The following TRAPPC2 variants were observed in gnomAD, a reference collection of about 807,000 sequenced individuals.
TRAPPC2 encodes the protein sedlin.
A neutral mutation model predicts 10.0 loss-of-function variants in TRAPPC2; 4 were observed. That is an observed-to-expected ratio of 0.40 (90% confidence interval 0.20 to 0.92). The LOEUF (loss-of-function observed/expected upper bound fraction) is 0.92, where lower values mean the gene tolerates loss of function less well. Ranked by LOEUF, TRAPPC2 falls within the 40% of genes least tolerant of loss-of-function variation. The pLI, the probability that TRAPPC2 is intolerant of heterozygous loss-of-function variation, is 0.35. For synonymous variants in TRAPPC2, 36 were observed against 37.3 expected (o/e 0.97, Z 0.12); for missense variants, 52 against 108.7 (o/e 0.48, Z 2.32).
At chrX:13,727,864 AAGAAGAAAACAG>A (rs1188420179) in intron 2 of TRAPPC2, among the ~76,000 whole-genome samples, 61 of 112,010 alleles carry the variant, frequency 5.4e-4, no homozygotes, top group African/African-American at 1.9e-3. Context: ...AAGACTAATA[AAGAAGAAAACAG>A]AGAAGAATCA....
intron 2 of TRAPPC2, among the ~76,000 whole-genome samples, chrX:13,729,391 C>T (rs1184913740): frequency 1.8e-5 from 2 of 111,555 alleles, no homozygotes; most frequent in Non-Finnish European, 3.8e-5. Context: ...GTACTGGTAC[C>T]GAAACAGATA....
At chrX:13,716,191 G>A in intron 4 of TRAPPC2, 102 bp from the exon 5 acceptor site, 1 of 904,834 alleles carries the variant, frequency 1.1e-6, no homozygotes, top group Admixed American at 3.8e-5. Flanking sequence ...GTGTATTTGT[G>A]ATGGAAAAGT....
intron 2 of TRAPPC2, among the ~76,000 whole-genome samples, chrX:13,732,358 G>C (rs920378879): frequency 2.7e-5 from 3 of 112,117 alleles, no homozygotes; most frequent in Non-Finnish European, 3.8e-5. Context: ...TGGAAAGGGA[G>C]TGGGGTACAG....
chrX:13,733,659 C>T (rs1044871519), intron 2 of TRAPPC2, among the ~76,000 whole-genome samples: 1 of 112,214 alleles, frequency 8.9e-6, no homozygotes, highest in African/African-American at 3.2e-5. Context: ...TCTGTCCTCA[C>T]AGGACTTAGA....
chrX:13,725,729 A>G (rs888234672), intron 2 of TRAPPC2, among the ~76,000 whole-genome samples: 1 of 112,584 alleles, frequency 8.9e-6, no homozygotes, highest in Non-Finnish European at 1.9e-5. Flanking sequence ...CCTCGCCAGC[A>G]ATGGAACAAA....
rs151204906 is a variant in TRAPPC2 at position 13,730,352 on chromosome X, C to G, written c.-20+3692G>C. ...CACTGGTCATTAGAGAAATGCAAAT[C>G]AAAACCACAAAGAGATACCATCTCA... On this transcript the variant is annotated intron_variant, in intron 2 of 5. Coordinates refer to ENST00000380579, the MANE Select transcript of TRAPPC2 (RefSeq NM_001011658.4). Among the ~76,000 whole-genome samples, 784 of 111,931 alleles carry G rather than the reference C, an allele frequency of 7.0e-3. 7 individuals are homozygous for G. The highest frequency in any genetic ancestry group is 0.024 in the African/African-American group (744 of 30,782).
In TRAPPC2 at chrX:13,730,184, C is replaced by T. The variant is rs779863393; in HGVS notation, c.-20+3860G>A. 1.2e-3 allele frequency among the ~76,000 whole-genome samples: 127 copies of T among 109,488 alleles called. 1 individual carries two copies. The highest frequency in any genetic ancestry group is 4.0e-3 in the African/African-American group (121 of 29,943). ...TGCAATCTACCCATCTGACGAAGGGCTAATATCCAGAATCTACAAAGAACT... is the reference window on the plus strand; with the variant it reads ...TGCAATCTACCCATCTGACGAAGGGTTAATATCCAGAATCTACAAAGAACT... On this transcript the variant is annotated intron_variant, in intron 2 of 5. Transcript: ENST00000380579.
chrX:13,719,956 C>T lies in TRAPPC2; in HGVS notation c.8G>A (p.Gly3Glu). Reference sequence around the variant, plus strand: ...GCCAACAATTACAAAGTAGAAGCTCCCAGACATGGTCTTCAATATATGGCT... The same window carrying T: ...GCCAACAATTACAAAGTAGAAGCTCTCAGACATGGTCTTCAATATATGGCT... MS[G>E]SFYFVIVGHH... Residue 3 changes from glycine to glutamate, a missense_variant, in exon 3 of 6, where the codon GGG becomes GAG. Gly to Glu is a moderately conservative substitution (Grantham distance 98). Transcript: ENST00000380579. The T allele has an allele frequency of 8.4e-7, 1 of 1,186,012 alleles. No homozygotes were observed. The highest frequency in any genetic ancestry group is 1.8e-5 in the African/African-American group (1 of 57,079).
In TRAPPC2 at chrX:13,714,243, A is replaced by T. The variant is rs2046256363; in HGVS notation, c.*164T>A. The T allele has an allele frequency of 2.8e-5, 9 of 325,376 alleles. No individual in the cohort carries two copies. The South Asian group carries it at 1.1e-3, about 39-fold the overall frequency. The allele number at this position is 325,376 out of a possible 1,213,427, so 26.8% of individuals were successfully genotyped here. Reference sequence around the variant, plus strand: ...AATTGATCTATTGATACGTGACATGAGACAGAATGTACTATTTTTAAATAT... The same window carrying T: ...AATTGATCTATTGATACGTGACATGTGACAGAATGTACTATTTTTAAATAT... On this transcript the variant is annotated 3_prime_UTR_variant, in exon 6 of 6. Coordinates refer to ENST00000380579, the MANE Select transcript of TRAPPC2 (RefSeq NM_001011658.4).
At chrX:13,728,083 G>A (rs991015633) in intron 2 of TRAPPC2, among the ~76,000 whole-genome samples, 13 of 111,779 alleles carry the variant, frequency 1.2e-4, no homozygotes, top group Non-Finnish European at 2.3e-4. Flanking sequence ...ACCAATAACA[G>A]GTTCTGAAAT....
At chrX:13,723,210 A>G (rs972397752) in intron 2 of TRAPPC2, among the ~76,000 whole-genome samples, 2 of 111,840 alleles carry the variant, frequency 1.8e-5, no homozygotes, top group African/African-American at 6.5e-5. Context: ...CTCTAGATCA[A>G]TGATTCCAAA....
chrX:13,732,376 C>G (rs933841417), intron 2 of TRAPPC2, among the ~76,000 whole-genome samples: 8 of 111,999 alleles, frequency 7.1e-5, no homozygotes, highest in African/African-American at 2.3e-4. Flanking sequence ...CAGCACAGTA[C>G]TATCTTTAAA....
intron 2 of TRAPPC2, among the ~76,000 whole-genome samples, chrX:13,731,765 C>T (rs929028747): frequency 5.4e-5 from 6 of 111,995 alleles, no homozygotes; most frequent in Non-Finnish European, 1.1e-4. Flanking sequence ...CACAGGGTCT[C>T]TAGTAAGGCT....
rs777366779 is a variant in TRAPPC2, at chrX:13,719,892, T to C, written c.72A>G (p.Pro24=). ...DNPVFEMEFL[P]AGKAESKDDH... is the part of the protein sequence containing the mutation. ...GTACTTTGGATTCTGCCTTCCCAGC[T>C]GGCAAAAACTCCATTTCAAAAACTG... Residue 24 remains proline (P), a synonymous_variant, in exon 3 of 6, where the codon CCA becomes CCG. Transcript: ENST00000380579. 8.3e-7 allele frequency: 1 copy of C among 1,200,442 alleles called. No homozygotes were observed. Among genetic ancestry groups the C allele is most frequent in the East Asian group, 3.0e-5 (1 of 33,639 alleles).
intron 2 of TRAPPC2, among the ~76,000 whole-genome samples, chrX:13,724,130 C>G (rs1200393239): frequency 1.8e-5 from 2 of 111,163 alleles, no homozygotes. Flanking sequence ...GTTTGGCTCT[C>G]AAGTGAGAGC....
intron 5 of TRAPPC2, 171 bp downstream of exon 5, chrX:13,715,833 C>A (rs1415705683): frequency 3.1e-6 from 3 of 972,945 alleles, no homozygotes; most frequent in South Asian, 6.1e-5. Flanking sequence ...TACATATTCA[C>A]CTGGCTGTGA....
chrX:13,722,587 G>GA (rs1419687640), intron 2 of TRAPPC2, among the ~76,000 whole-genome samples: 1 of 111,824 alleles, frequency 8.9e-6, no homozygotes, highest in Non-Finnish European at 1.9e-5. Context: ...AACCCTGGGA[G>GA]AAAATGACCT....
chrX:13,715,958 C>T (rs778231501), intron 5 of TRAPPC2, 46 bp downstream of exon 5: 32 of 1,139,350 alleles, frequency 2.8e-5, no homozygotes, highest in Middle Eastern at 4.9e-4. Flanking sequence ...TGACAAAGGT[C>T]GAATCCTTTC....
In TRAPPC2 at chrX:13,714,444, T is replaced by C; in HGVS notation, c.386A>G (p.Lys129Arg). 6.0e-6 allele frequency: 7 copies of C among 1,174,446 alleles called. No individual in the cohort carries two copies. The highest frequency in any genetic ancestry group is 8.0e-6 in the Non-Finnish European group (7 of 874,460). ...SPIRSSAFDRKVQFLGKKHLL... is the reference protein window; with the variant it reads ...SPIRSSAFDRRVQFLGKKHLL... Reference sequence around the variant, plus strand: ...GTGTTTCTTCCCAAGAAACTGAACTTTTCTGTCAAATGCACTTGATCGAAT... The same window carrying C: ...GTGTTTCTTCCCAAGAAACTGAACTCTTCTGTCAAATGCACTTGATCGAAT... Residue 129 changes from lysine to arginine, a missense_variant, in exon 6 of 6, where the codon AAA (lysine) becomes AGA (arginine). Transcript: ENST00000380579.
Sources: gnomAD v4.1 joint callset for allele counts (sites outside exome capture counted in the v4.1 genomes callset) on GRCh38, gnomAD v4.1.1 for gene constraint, MANE v1.5 for transcripts, NCBI Gene and HGNC (gene_info 2026-07-23, HGNC 2026-07-21) for gene names.